Variants in ASTN2 observed in about 807,000 individuals in gnomAD.
ASTN2 encodes astrotactin-2.
ASTN2 carries 54 observed loss-of-function variants against 139.8 expected under a neutral mutation model. The observed-to-expected ratio is 0.39, with a 90% CI of 0.31 to 0.48. The LOEUF (loss-of-function observed/expected upper bound fraction) is 0.48, where lower values mean the gene tolerates loss of function less well. Ranked by LOEUF, ASTN2 falls within the 20% of genes least tolerant of loss-of-function variation. The probability of loss-of-function intolerance (pLI) is 0.95; values close to 1 mark genes in which losing one functional copy is unlikely to be tolerated. For missense variants in ASTN2, 1,565 were observed against 1,725.1 expected (o/e 0.91, Z 1.64); for synonymous variants, 756 against 719.5 (o/e 1.05, Z -0.81).
chr9:116,858,897 G>T (rs1391866916), intron 11 of ASTN2, among the ~76,000 whole-genome samples: 7 of 152,122 alleles, frequency 4.6e-5, no homozygotes, highest in Non-Finnish European at 1.0e-4. Context: ...GCAATTGGTG[G>T]TTTAAAGTAA....
intron 19 of ASTN2, among the ~76,000 whole-genome samples, chr9:116,572,384 CAG>C (rs1853555304): frequency 6.6e-6 from 1 of 152,058 alleles, no homozygotes; most frequent in African/African-American, 2.4e-5. Flanking sequence ...CCACTGGAAA[CAG>C]ACTTCCTCTT....
chr9:116,853,614 C>T (rs1832666916), intron 11 of ASTN2, among the ~76,000 whole-genome samples: 1 of 152,196 alleles, frequency 6.6e-6, no homozygotes. Context: ...TCCACTCCCA[C>T]ATGTACTACA....
intron 5 of ASTN2, among the ~76,000 whole-genome samples, chr9:117,082,548 C>T (rs1828456147): frequency 1.3e-5 from 2 of 152,166 alleles, no homozygotes; most frequent in African/African-American, 4.8e-5. Flanking sequence ...CTTCCTTCAA[C>T]AGTAAATGCC....
chr9:116,703,676 T>C (rs1385593487), intron 16 of ASTN2, among the ~76,000 whole-genome samples: 1 of 151,064 alleles, frequency 6.6e-6, no homozygotes, highest in Non-Finnish European at 1.5e-5. Context: ...TGTATACGTA[T>C]GTAACTAACC....
intron 3 of ASTN2, among the ~76,000 whole-genome samples, chr9:117,208,704 C>A (rs1006289256): frequency 2.0e-5 from 3 of 151,690 alleles, no homozygotes; most frequent in Non-Finnish European, 2.9e-5. Context: ...TGTTGAAAGT[C>A]AATGACAAAA....
chr9:117,222,234 C>T (rs1572309), intron 2 of ASTN2, among the ~76,000 whole-genome samples: 77,892 of 152,018 alleles, frequency 0.51, 20,244 homozygotes, highest in East Asian at 0.63. Flanking sequence ...TTCAAGTCCT[C>T]ATCATCTATC....
chr9:116,815,815 A>AAAAAAAAAAAAAAG, intron 12 of ASTN2, among the ~76,000 whole-genome samples: 1 of 147,460 alleles, frequency 6.8e-6, no homozygotes, highest in Non-Finnish European at 1.5e-5. Context: ...AAAAAAAAAA[A>AAAAAAAAAAAAAAG]AAAAAAAAAA....
At chr9:116,598,594 G>T (rs1854706992) in intron 19 of ASTN2, among the ~76,000 whole-genome samples, 1 of 152,224 alleles carries the variant, frequency 6.6e-6, no homozygotes, top group Non-Finnish European at 1.5e-5. Context: ...TGACTGAGTG[G>T]ACTACTTCTG....
At chr9:117,217,386 G>A (rs1689556366) in intron 2 of ASTN2, among the ~76,000 whole-genome samples, 1 of 152,116 alleles carries the variant, frequency 6.6e-6, no homozygotes, top group African/African-American at 2.4e-5. Context: ...TCCCGATTAT[G>A]GTTGTGGGAC....
intron 17 of ASTN2, 28 bp from the exon 18 acceptor site, chr9:116,620,471 C>T (rs1856079926): frequency 1.2e-6 from 2 of 1,613,590 alleles, no homozygotes; most frequent in Non-Finnish European, 1.7e-6. Flanking sequence ...ACAGAATAGA[C>T]AATGATGACA....
chr9:116,459,215 A>G (rs1314700826), intron 20 of ASTN2, among the ~76,000 whole-genome samples: 1 of 152,070 alleles, frequency 6.6e-6, no homozygotes, highest in Non-Finnish European at 1.5e-5. Context: ...AGCCTCGTCA[A>G]GTGAATAAAG....
intron 1 of ASTN2, among the ~76,000 whole-genome samples, chr9:117,350,966 A>G (rs1243200468): frequency 2.6e-5 from 4 of 152,304 alleles, no homozygotes; most frequent in African/African-American, 9.6e-5. Context: ...GCCATGTTGC[A>G]TGGTGGATAG....
At chr9:117,154,204 G>A (rs966248944) in intron 3 of ASTN2, among the ~76,000 whole-genome samples, 1 of 152,032 alleles carries the variant, frequency 6.6e-6, no homozygotes, top group Non-Finnish European at 1.5e-5. Context: ...AAAATAGACT[G>A]GCTAAATATA....
chr9:117,381,498 A>G (rs1007417221), intron 1 of ASTN2, among the ~76,000 whole-genome samples: 4 of 152,096 alleles, frequency 2.6e-5, no homozygotes, highest in African/African-American at 9.7e-5. Flanking sequence ...ATAGTGACGG[A>G]GTTCTTGTGA....
intron 19 of ASTN2, among the ~76,000 whole-genome samples, chr9:116,540,060 T>C (rs1564355217): frequency 1.3e-5 from 2 of 152,204 alleles, no homozygotes; most frequent in African/African-American, 2.4e-5. Flanking sequence ...TGATAAAATA[T>C]AGCATGTGAC....
chr9:116,629,219 G>A (rs1197569432), intron 17 of ASTN2, among the ~76,000 whole-genome samples: 6 of 146,092 alleles, frequency 4.1e-5, no homozygotes, highest in Non-Finnish European at 5.9e-5. Context: ...CCGGGTTCAC[G>A]CCATTCTCCT....
Position 116,425,677 on chromosome 9 carries a change from A to T in ASTN2, c.*174T>A. On this transcript the variant is annotated 3_prime_UTR_variant, in exon 23 of 23. Coordinates refer to ENST00000313400, the MANE Select transcript of ASTN2 (RefSeq NM_001365068.1). ...AAATGAATAATTCCATTGGTTACAA[A>T]GGTCTCTGTCCACTATCCACAGGAG... is the stretch of plus-strand genomic sequence containing the variant. The T allele has an allele frequency of 6.2e-7, 1 of 1,609,112 alleles. No homozygotes were observed. Among genetic ancestry groups the T allele is most frequent in the African/African-American group, 1.3e-5 (1 of 74,564 alleles).
At chr9:117,314,397 A>C (rs1669335050) in intron 1 of ASTN2, among the ~76,000 whole-genome samples, 1 of 152,006 alleles carries the variant, frequency 6.6e-6, no homozygotes, top group Non-Finnish European at 1.5e-5. Context: ...AAGCAAGTTC[A>C]CTTCTCTTGT....
At chr9:116,998,084 A>G (rs7042716) in intron 7 of ASTN2, among the ~76,000 whole-genome samples, 10,437 of 152,240 alleles carry the variant, frequency 0.069, 1,073 homozygotes, top group African/African-American at 0.23. Context: ...AATATTTTAA[A>G]AAGCTTAATT....
Sources: gnomAD v4.1 joint callset for allele counts (sites outside exome capture counted in the v4.1 genomes callset) on GRCh38, gnomAD v4.1.1 for gene constraint, MANE v1.5 for transcripts, NCBI Gene and HGNC (gene_info 2026-07-23, HGNC 2026-07-21) for gene names.